The following PRKCI variants were observed in gnomAD, a reference collection of about 807,000 sequenced individuals.
The protein encoded by PRKCI is protein kinase C iota type.
In PRKCI, 43 loss-of-function variants were observed where a neutral mutation model predicts 84.0. The ratio of observed to expected loss-of-function variants is 0.51; its 90% CI spans 0.40 to 0.66. The LOEUF (loss-of-function observed/expected upper bound fraction) is 0.66, where lower values mean the gene tolerates loss of function less well. PRKCI is among the 30% of genes least tolerant of loss of function. The pLI is 0.00. For missense variants in PRKCI, 459 were observed against 745.6 expected, an observed-to-expected ratio of 0.62 and a Z score of 4.48; for synonymous variants, 216 against 234.4, an observed-to-expected ratio of 0.92 and a Z score of 0.72.
At chr3:170,280,674 C>G (rs892206807) in intron 9 of PRKCI, among the ~76,000 whole-genome samples, 1 of 152,114 alleles carries the variant, frequency 6.6e-6, no homozygotes, top group Non-Finnish European at 1.5e-5. Context: ...CTCTTGAACT[C>G]CTGACCTCAA....
chr3:170,234,800 T>C (rs1429963477), intron 1 of PRKCI, among the ~76,000 whole-genome samples: 1 of 152,270 alleles, frequency 6.6e-6, no homozygotes, highest in East Asian at 1.9e-4. Context: ...TTTTTTGTTT[T>C]CTTTTGTTTT....
Position 170,297,389 on chromosome 3 carries a change from A to T in PRKCI, c.1583A>T (p.Asp528Val), listed in dbSNP as rs1165933429. ...CCGTTCTTCCGAAATGTTGATTGGG[A>T]TATGGTATGTAAATTTTGATTACTC... The part of the protein sequence containing the change: ...GHPFFRNVDW[D>V]MMEQKQVVPP... The change falls in exon 16 of 18, where the codon GAT becomes GTT. Residue 528 changes from aspartate (D) to valine (V), a missense_variant. By Grantham distance (152) the Asp-to-Val change is radical. Coordinates refer to ENST00000295797, the MANE Select transcript of PRKCI (RefSeq NM_002740.6). 6.2e-7 allele frequency: 1 copy of T among 1,608,408 alleles called. No individual in the cohort carries two copies. Among genetic ancestry groups the T allele is most frequent in the South Asian group, 1.1e-5 (1 of 90,604 alleles).
intron 13 of PRKCI, 126 bp downstream of exon 13, chr3:170,292,067 T>C (rs1734566191): frequency 1.4e-6 from 1 of 713,158 alleles, no homozygotes; most frequent in South Asian, 1.7e-5. Flanking sequence ...TTCTTGATCC[T>C]GTTAAAAACT....
chr3:170,262,850 T>TA (rs34567933), intron 3 of PRKCI, among the ~76,000 whole-genome samples: 1 of 148,360 alleles, frequency 6.7e-6, no homozygotes, highest in Admixed American at 6.7e-5. Flanking sequence ...TTTTTTTTTT[T>TA]AACATCAACA....
At chr3:170,281,477 A>G (rs1294758550) in intron 10 of PRKCI, 6 of 457,706 alleles carry the variant, frequency 1.3e-5, no homozygotes, top group East Asian at 3.4e-5. Context: ...AGAACAGGAA[A>G]TAGCCATGTC....
At chr3:170,262,293 C>A (rs1228168516) in intron 3 of PRKCI, among the ~76,000 whole-genome samples, 1 of 152,058 alleles carries the variant, frequency 6.6e-6, no homozygotes, top group Non-Finnish European at 1.5e-5. Flanking sequence ...ATTTTATGTT[C>A]CATATTTGTA....
intron 5 of PRKCI, 90 bp downstream of exon 5, chr3:170,268,090 G>A: frequency 1.9e-6 from 2 of 1,051,996 alleles, no homozygotes; most frequent in South Asian, 1.5e-5. Flanking sequence ...ATTAAGTCTT[G>A]TTATACACTT....
chr3:170,231,923 C>T (rs1184040824), intron 1 of PRKCI, among the ~76,000 whole-genome samples: 8 of 151,988 alleles, frequency 5.3e-5, no homozygotes, highest in Admixed American at 3.3e-4. Context: ...TTACTGAGGC[C>T]GAGTGTGGTG....
At chr3:170,281,038 T>TA in intron 9 of PRKCI, 128 bp from the exon 10 acceptor site, 1 of 652,120 alleles carries the variant, frequency 1.5e-6, no homozygotes, top group Non-Finnish European at 2.5e-6. Context: ...TTTCGTTTCA[T>TA]GATTATCAAT....
chr3:170,276,713 C>T (rs1459612512), intron 8 of PRKCI, among the ~76,000 whole-genome samples: 8 of 152,082 alleles, frequency 5.3e-5, no homozygotes, highest in East Asian at 3.9e-4. Context: ...AATATCCTCT[C>T]GACATTGGCC....
rs752512269 is a variant in PRKCI at position 170,281,694 on chromosome 3, T to G, written c.981-188T>G. On this transcript the variant is annotated intron_variant, in intron 10 of 17. Coordinates refer to ENST00000295797, the MANE Select transcript of PRKCI (RefSeq NM_002740.6). ...GAACAGAAGTAGTAGGTTACAAAATTATTATCATGCTGGTTTACTTTCTCG... is the reference window on the plus strand; with the variant it reads ...GAACAGAAGTAGTAGGTTACAAAATGATTATCATGCTGGTTTACTTTCTCG... 15 of 654,136 alleles carry G rather than the reference T, an allele frequency of 2.3e-5. 1 individual carries two copies. In the South Asian group the frequency reaches 6.2e-4, roughly 27 times the overall value. The allele number at this position is 654,136 out of a possible 1,614,324, so 40.5% of individuals were successfully genotyped here.
intron 2 of PRKCI, among the ~76,000 whole-genome samples, chr3:170,245,502 A>G (rs1334320542): frequency 6.6e-6 from 1 of 152,010 alleles, no homozygotes; most frequent in Non-Finnish European, 1.5e-5. Flanking sequence ...GGGGGTCTTG[A>G]GGCGGTATTG....
chr3:170,276,687 A>G (rs1734123615), intron 8 of PRKCI, among the ~76,000 whole-genome samples: 1 of 152,170 alleles, frequency 6.6e-6, no homozygotes, highest in African/African-American at 2.4e-5. Flanking sequence ...TAAAAATCCT[A>G]GAAGAAAACC....
chr3:170,230,539 A>C (rs1462309583), intron 1 of PRKCI, among the ~76,000 whole-genome samples: 1 of 152,240 alleles, frequency 6.6e-6, no homozygotes, highest in Non-Finnish European at 1.5e-5. Flanking sequence ...CATGTTGGCC[A>C]GGCTGGTCCC....
chr3:170,239,726 CTTGTATGGTAGAGTGTTTTTTTTTTT>C (rs1346493228), intron 2 of PRKCI, among the ~76,000 whole-genome samples: 1 of 149,290 alleles, frequency 6.7e-6, no homozygotes, highest in Non-Finnish European at 1.5e-5. Flanking sequence ...TGTTTTTTCT[CTTGTATGGTAGAGTGTTTTTTTTTTT>C]TTGTATGGTA....
intron 4 of PRKCI, among the ~76,000 whole-genome samples, chr3:170,264,936 A>G (rs1733821744): frequency 6.6e-6 from 1 of 152,032 alleles, no homozygotes; most frequent in African/African-American, 2.4e-5. Flanking sequence ...CTGTAACCCT[A>G]GCACTTTGGG....
At chr3:170,275,934 CTTT>C (rs746440889) in intron 8 of PRKCI, among the ~76,000 whole-genome samples, 6,188 of 132,162 alleles carry the variant, frequency 0.047, 409 homozygotes, top group African/African-American at 0.16. Context: ...CCGTATCATT[CTTT>C]TTTTTTTTTT....
intron 2 of PRKCI, among the ~76,000 whole-genome samples, chr3:170,248,635 A>G (rs775168870): frequency 1.3e-5 from 2 of 152,198 alleles, no homozygotes; most frequent in Non-Finnish European, 2.9e-5. Context: ...CATTCAGTCC[A>G]AGAAAAACAA....
chr3:170,234,904 C>G (rs988109833), intron 1 of PRKCI, among the ~76,000 whole-genome samples: 11 of 151,638 alleles, frequency 7.3e-5, no homozygotes, highest in Non-Finnish European at 1.0e-4. Flanking sequence ...CCATGTTCCC[C>G]CCCTGAGAAG....
Sources: allele counts gnomAD v4.1 joint callset (sites outside exome capture counted in the v4.1 genomes callset), GRCh38; gene constraint gnomAD v4.1.1; transcripts MANE v1.5; gene names NCBI Gene and HGNC (gene_info 2026-07-23, HGNC 2026-07-21).